Variants in BCL2 observed in about 807,000 individuals in gnomAD.
BCL2 encodes the protein BCL2 apoptosis regulator, also known as apoptosis regulator Bcl-2.
A neutral mutation model predicts 14.2 loss-of-function variants in BCL2; 1 was observed. The observed-to-expected ratio is 0.07, with a 90% CI of 0.02 to 0.33. The LOEUF (loss-of-function observed/expected upper bound fraction) is 0.33. BCL2 is among the 10% of genes least tolerant of loss of function. BCL2 has a pLI of 0.99. For missense variants in BCL2, 247 were observed against 305.9 expected, an observed-to-expected ratio of 0.81 and a Z score of 1.44; for synonymous variants, 151 against 137.2, an observed-to-expected ratio of 1.10 and a Z score of -0.70.
At position 63,140,321 on chromosome 18, in the gene BCL2, C is replaced by T. The variant is rs58158929; in HGVS notation, c.586-11562G>A. The stretch of plus-strand genomic sequence containing the variant: ...TACACCCAAAGGAATTGAAATTGCA[C>T]GTTCACACGAAAACTTGTACACAAA... On this transcript the variant is annotated intron_variant, in intron 2 of 2. Coordinates refer to ENST00000333681, the MANE Select transcript of BCL2 (RefSeq NM_000633.3). Among the ~76,000 whole-genome samples, 1,437 of 152,238 alleles carry T rather than the reference C, an allele frequency of 9.4e-3. 31 individuals are homozygous for T. The highest frequency in any genetic ancestry group is 0.033 in the African/African-American group (1,371 of 41,522).
intron 2 of BCL2, among the ~76,000 whole-genome samples, chr18:63,205,892 C>T (rs1435708619): frequency 2.6e-5 from 4 of 152,120 alleles, no homozygotes; most frequent in Non-Finnish European, 4.4e-5. Context: ...ACTCAAGCCA[C>T]GGTGGAGAGG....
intron 2 of BCL2, among the ~76,000 whole-genome samples, chr18:63,225,170 A>C (rs1910511518): frequency 6.6e-6 from 1 of 152,234 alleles, no homozygotes. Flanking sequence ...CATGAAAAAA[A>C]GACAGATATT....
intron 2 of BCL2, among the ~76,000 whole-genome samples, chr18:63,303,114 G>T (rs926445157): frequency 2.6e-5 from 4 of 152,146 alleles, no homozygotes; most frequent in South Asian, 2.1e-4. Flanking sequence ...AAGGGAAAAG[G>T]ATCATACCAG....
intron 2 of BCL2, among the ~76,000 whole-genome samples, chr18:63,131,454 G>A (rs931360740): frequency 2.6e-5 from 4 of 152,244 alleles, no homozygotes; most frequent in Non-Finnish European, 5.9e-5. Context: ...CTGCCAAGAT[G>A]CACACCCCTC....
intron 2 of BCL2, among the ~76,000 whole-genome samples, chr18:63,298,813 T>C (rs2144279586): frequency 1.3e-5 from 2 of 152,304 alleles, no homozygotes; most frequent in East Asian, 3.9e-4. Flanking sequence ...CTACGTGAGA[T>C]AAATGGTTTC....
At chr18:63,246,416 G>A (rs935800889) in intron 2 of BCL2, among the ~76,000 whole-genome samples, 2 of 152,278 alleles carry the variant, frequency 1.3e-5, no homozygotes, top group East Asian at 1.9e-4. Flanking sequence ...AATTTATAAA[G>A]AAAATTATAA....
At chr18:63,240,536 A>G (rs1367749509) in intron 2 of BCL2, among the ~76,000 whole-genome samples, 1 of 152,248 alleles carries the variant, frequency 6.6e-6, no homozygotes, top group African/African-American at 2.4e-5. Context: ...ACACAAAGTA[A>G]TATTCTAAAT....
chr18:63,194,239 G>C (rs577316533), intron 2 of BCL2, among the ~76,000 whole-genome samples: 2 of 152,268 alleles, frequency 1.3e-5, no homozygotes, highest in Non-Finnish European at 2.9e-5. Flanking sequence ...TGAATGGGAA[G>C]TTACACTGGA....
rs139064383 is a variant in BCL2 at position 63,171,367 on chromosome 18, C to T, written c.586-42608G>A. On this transcript the variant is annotated intron_variant, in intron 2 of 2. Coordinates refer to ENST00000333681, the MANE Select transcript of BCL2 (RefSeq NM_000633.3). ...TGTCTACCCTGCAATTCCACTAGCACGGTGTGAATGAGCCTGATTCACTGC... is the reference window on the plus strand; with the variant it reads ...TGTCTACCCTGCAATTCCACTAGCATGGTGTGAATGAGCCTGATTCACTGC... Among the ~76,000 whole-genome samples the T allele has an allele frequency of 6.5e-4, 99 of 152,342 alleles. 1 individual carries two copies. In the East Asian group the frequency reaches 0.015, roughly 23 times the overall value.
At chr18:63,137,794 G>A (rs1403202472) in intron 2 of BCL2, among the ~76,000 whole-genome samples, 1 of 152,202 alleles carries the variant, frequency 6.6e-6, no homozygotes, top group Non-Finnish European at 1.5e-5. Context: ...GGAGTATTAG[G>A]AAGACAAACT....
chr18:63,295,518 C>A (rs1391531130), intron 2 of BCL2, among the ~76,000 whole-genome samples: 1 of 152,150 alleles, frequency 6.6e-6, no homozygotes, highest in Non-Finnish European at 1.5e-5. Context: ...CATAGAATCA[C>A]AAAATGTTAG....
chr18:63,194,880 C>T (rs111826724), intron 2 of BCL2, among the ~76,000 whole-genome samples: 2,256 of 152,302 alleles, frequency 0.015, 52 homozygotes, highest in African/African-American at 0.051. Flanking sequence ...GCCTTGGACT[C>T]AGCTTCAGGA....
chr18:63,246,310 A>C (rs149704291), intron 2 of BCL2, among the ~76,000 whole-genome samples: 4 of 152,300 alleles, frequency 2.6e-5, no homozygotes, highest in African/African-American at 7.2e-5. Flanking sequence ...GCCTCAAGCC[A>C]AAGAAACAGG....
At chr18:63,308,761 C>T (rs1349400900) in intron 2 of BCL2, among the ~76,000 whole-genome samples, 1 of 152,070 alleles carries the variant, frequency 6.6e-6, no homozygotes, top group Non-Finnish European at 1.5e-5. Flanking sequence ...CAGACACACA[C>T]ACACACACAC....
At chr18:63,138,068 A>G (rs1914256123) in intron 2 of BCL2, among the ~76,000 whole-genome samples, 1 of 152,206 alleles carries the variant, frequency 6.6e-6, no homozygotes, top group South Asian at 2.1e-4. Context: ...AGAGAACGCC[A>G]GGAGAAAGAG....
At chr18:63,315,566 T>C (rs1913468219) in intron 2 of BCL2, 1 of 152,206 alleles carries the variant, frequency 6.6e-6, no homozygotes, top group African/African-American at 2.4e-5. Flanking sequence ...ATTCAGGAGA[T>C]GGGCTAATCC....
chr18:63,294,995 T>G, intron 2 of BCL2, among the ~76,000 whole-genome samples: 1 of 102,126 alleles, frequency 9.8e-6, no homozygotes, highest in Admixed American at 1.1e-4. Context: ...CTACTGAAAA[T>G]ACCAAAAAAA....
Position 63,212,018 on chromosome 18 carries a change from C to T in BCL2, c.586-83259G>A, listed in dbSNP as rs1294007715. On this transcript the variant is annotated intron_variant, in intron 2 of 2. Coordinates refer to ENST00000333681, the MANE Select transcript of BCL2 (RefSeq NM_000633.3). ...ATATGACATTTTTAGTTGCCCCTAACCATGTGGCCCTAAAAATACTCCATT... is the reference window on the plus strand; with the variant it reads ...ATATGACATTTTTAGTTGCCCCTAATCATGTGGCCCTAAAAATACTCCATT... Among the ~76,000 whole-genome samples the T allele has an allele frequency of 2.0e-5, 3 of 152,348 alleles. No homozygotes were observed. In the East Asian group the frequency reaches 5.8e-4, roughly 29 times the overall value.
chr18:63,248,689 T>G (rs914029238), intron 2 of BCL2, among the ~76,000 whole-genome samples: 1 of 152,198 alleles, frequency 6.6e-6, no homozygotes, highest in Non-Finnish European at 1.5e-5. Context: ...CTCAACTGAA[T>G]CTGCATCAGT....
Sources: allele counts gnomAD v4.1 joint callset (sites outside exome capture counted in the v4.1 genomes callset), GRCh38; gene constraint gnomAD v4.1.1; transcripts MANE v1.5; gene names NCBI Gene and HGNC (gene_info 2026-07-23, HGNC 2026-07-21).